The following PRRC2B variants were observed in gnomAD, a reference collection of about 807,000 sequenced individuals.
The protein encoded by PRRC2B is protein PRRC2B.
PRRC2B carries 68 observed loss-of-function variants against 242.3 expected under a neutral mutation model. That is an observed-to-expected ratio of 0.28 (90% CI 0.23 to 0.34). The LOEUF is 0.34. Ranked by LOEUF, PRRC2B falls within the 10% of genes least tolerant of loss-of-function variation. PRRC2B has a pLI of 1.00. For synonymous variants in PRRC2B, 1,228 were observed against 1,173.6 expected (o/e 1.05, Z -0.95); for missense variants, 2,835 against 2,954.8 (o/e 0.96, Z 0.94).
intron 28 of PRRC2B, among the ~76,000 whole-genome samples, chr9:131,489,372 A>T (rs1380480014): frequency 6.6e-6 from 1 of 151,762 alleles, no homozygotes; most frequent in Non-Finnish European, 1.5e-5. Context: ...TTTAGTAGAG[A>T]TGGGGGTTTC....
intron 9 of PRRC2B, among the ~76,000 whole-genome samples, chr9:131,451,400 A>G (rs1206922308): frequency 6.6e-6 from 1 of 151,288 alleles, no homozygotes; most frequent in East Asian, 1.9e-4. Flanking sequence ...CTCCATCTCA[A>G]AAAAAAAAGA....
intron 1 of PRRC2B, among the ~76,000 whole-genome samples, chr9:131,418,690 G>T (rs993503670): frequency 1.3e-5 from 2 of 152,220 alleles, no homozygotes. Context: ...GCTGCAGCTG[G>T]CTGGGACGTG....
In PRRC2B at chr9:131,494,825, G is replaced by A. The variant is rs1412273979; in HGVS notation, c.6555+339G>A. ...GGTTTGGGGGTCGGCTTTAGGAGCC[G>A]GGGTGCGCGCGCTGGTTCTAGTCAG... On this transcript the variant is annotated intron_variant, in intron 31 of 31. Coordinates refer to ENST00000683519, the MANE Select transcript of PRRC2B (RefSeq NM_013318.4). This position sits in a 1 kb window ranked among gnomAD's most constrained non-coding sequence, Gnocchi z 4.3. 1.3e-5 allele frequency among the ~76,000 whole-genome samples: 2 copies of A among 152,158 alleles called. No individual in the cohort carries two copies. Among genetic ancestry groups the A allele is most frequent in the East Asian group, 3.9e-4 (2 of 5,190 alleles).
rs1410487597 is a variant in PRRC2B at position 131,446,550 on chromosome 9, C to G, written c.763C>G (p.Leu255Val). 3 of 1,613,832 alleles carry G rather than the reference C, an allele frequency of 1.9e-6. No homozygotes were observed. Among genetic ancestry groups the G allele is most frequent in the African/African-American group, 2.7e-5 (2 of 74,922 alleles). ...TACCAGCGATTCTAAGGACCCCTCTCTCCGCCCGGCTCAGCCTGTCCGAAA... is the reference window on the plus strand; with the variant it reads ...TACCAGCGATTCTAAGGACCCCTCTGTCCGCCCGGCTCAGCCTGTCCGAAA... ...ACTSDSKDPS[L>V]RPAQPVRKGA... Residue 255 changes from leucine to valine, a missense_variant, in exon 7 of 32, where the codon CTC becomes GTC. Leu to Val is a conservative substitution (Grantham distance 32). Coordinates refer to ENST00000683519, the MANE Select transcript of PRRC2B (RefSeq NM_013318.4). The surrounding 1 kb of genome is among the most constrained non-coding windows in gnomAD (Gnocchi z 4.1).
intron 6 of PRRC2B, among the ~76,000 whole-genome samples, chr9:131,445,355 C>A (rs1169253596): frequency 6.6e-6 from 1 of 152,064 alleles, no homozygotes; most frequent in Non-Finnish European, 1.5e-5. Flanking sequence ...AGGCGGGTTT[C>A]TCCATGTTGG....
rs1292483846 is a variant in PRRC2B, at chr9:131,476,359, G to A, written c.4230G>A (p.Leu1410=). 6.3e-7 allele frequency: 1 copy of A among 1,595,364 alleles called. No homozygotes were observed. Among genetic ancestry groups the A allele is most frequent in the Admixed American group, 1.8e-5 (1 of 56,544 alleles). The change falls in exon 16 of 32, where the codon TTG becomes TTA. Residue 1410 remains leucine, a synonymous_variant. Coordinates refer to ENST00000683519, the MANE Select transcript of PRRC2B (RefSeq NM_013318.4). ...QVDGGLSGAS[L]GEKKELAKRS... is the part of the protein sequence containing the mutation. ...ATGGTGGCCTGTCGGGGGCTAGTTT[G>A]GGTGAGAAGAAGGAGCTGGCCAAGA...
rs1943532806 is a variant in PRRC2B, at chr9:131,471,069, A to T, written c.2107+86A>T. 3.1e-6 allele frequency: 3 copies of T among 975,756 alleles called. No homozygotes were observed. In the Middle Eastern group the frequency reaches 6.4e-4, roughly 207 times the overall value. 60.4% of individuals were successfully genotyped at this position (975,756 alleles called of 1,614,324 possible). On this transcript the variant is annotated intron_variant, in intron 14 of 31. Transcript: ENST00000683519. ...GTGTCCTCTCGAGTTAAACAGATACACCTGGATTTTGGTCTGGCTCTTTGT... is the reference window on the plus strand; with the variant it reads ...GTGTCCTCTCGAGTTAAACAGATACTCCTGGATTTTGGTCTGGCTCTTTGT...
chr9:131,483,056 G>A, intron 22 of PRRC2B, 149 bp downstream of exon 22: 14 of 929,892 alleles, frequency 1.5e-5, no homozygotes, highest in Non-Finnish European at 2.1e-5. Context: ...TTGGTGTGGA[G>A]TCCTGCACAT....
At chr9:131,429,414 G>A (rs1316860783) in intron 1 of PRRC2B, among the ~76,000 whole-genome samples, 1 of 152,238 alleles carries the variant, frequency 6.6e-6, no homozygotes, top group African/African-American at 2.4e-5. Context: ...AGGGGCAAGT[G>A]CGGATGGCAT....
At chr9:131,486,630 C>T (rs1588281369) in intron 26 of PRRC2B, 1 of 766,070 alleles carries the variant, frequency 1.3e-6, no homozygotes, top group African/African-American at 1.9e-5. Flanking sequence ...GAAGTCTCCC[C>T]TCTAATGCTG....
intron 5 of PRRC2B, among the ~76,000 whole-genome samples, chr9:131,441,832 A>G (rs1588253192): frequency 6.6e-6 from 1 of 152,338 alleles, no homozygotes; most frequent in South Asian, 2.1e-4. Flanking sequence ...AGGCTCAGAT[A>G]CCAGCTGCTG....
chr9:131,472,919 C>G (rs1341487306), intron 14 of PRRC2B, among the ~76,000 whole-genome samples: 1 of 152,054 alleles, frequency 6.6e-6, no homozygotes, highest in Non-Finnish European at 1.5e-5. Flanking sequence ...CATTTCATTT[C>G]TATATGTTAG....
At position 131,492,262 on chromosome 9, in the gene PRRC2B, TA is replaced by T. The variant is rs748219083; in HGVS notation, c.6473+5del. On this transcript the variant is annotated splice_donor_region_variant and intron_variant, in intron 30 of 31. Coordinates refer to ENST00000683519, the MANE Select transcript of PRRC2B (RefSeq NM_013318.4). Reference sequence around the variant, plus strand: ...CGTGCCATCGCCACAGACCTACAGGTAAAGCCACTCCCTGGGGACTGCGTGC... The same window carrying T: ...CGTGCCATCGCCACAGACCTACAGGTAAGCCACTCCCTGGGGACTGCGTGC... 6.2e-7 allele frequency: 1 copy of T among 1,611,898 alleles called. No homozygotes were observed. Among genetic ancestry groups the T allele is most frequent in the Admixed American group, 1.7e-5 (1 of 60,026 alleles).
At chr9:131,434,474 T>C (rs1157649154) in intron 3 of PRRC2B, among the ~76,000 whole-genome samples, 1 of 152,162 alleles carries the variant, frequency 6.6e-6, no homozygotes, top group Non-Finnish European at 1.5e-5. Context: ...CCAGGCCACA[T>C]CCTCCCACCA....
At chr9:131,436,536 G>C in intron 3 of PRRC2B, 84 bp from the exon 4 acceptor site, 2 of 1,056,270 alleles carry the variant, frequency 1.9e-6, no homozygotes, top group Admixed American at 4.5e-5. Context: ...GTGAGCAGCT[G>C]AACAGCTGTG....
At chr9:131,407,046 T>C (rs894343732) in intron 1 of PRRC2B, among the ~76,000 whole-genome samples, 1 of 152,244 alleles carries the variant, frequency 6.6e-6, no homozygotes, top group Non-Finnish European at 1.5e-5. Context: ...AGACATCTCA[T>C]ATGGCTCCTT....
chr9:131,439,387 A>AGAGT (rs1172710676), intron 5 of PRRC2B, among the ~76,000 whole-genome samples: 1 of 152,194 alleles, frequency 6.6e-6, no homozygotes, highest in Non-Finnish European at 1.5e-5. Flanking sequence ...AGTGGGAAGG[A>AGAGT]GAGTGGTCGT....
chr9:131,399,649 C>G (rs953780792), intron 1 of PRRC2B, among the ~76,000 whole-genome samples: 2 of 152,094 alleles, frequency 1.3e-5, no homozygotes, highest in African/African-American at 4.8e-5. Context: ...CCTCACCATC[C>G]AGAGCTAACT....
chr9:131,402,956 TC>T (rs1475438011), intron 1 of PRRC2B, among the ~76,000 whole-genome samples: 1 of 152,194 alleles, frequency 6.6e-6, no homozygotes, highest in Admixed American at 6.5e-5. Flanking sequence ...GGCGTCAACT[TC>T]CCGACACGCT....
Sources: gnomAD v4.1 joint callset for allele counts (sites outside exome capture counted in the v4.1 genomes callset) on GRCh38, gnomAD v4.1.1 for gene constraint, Gnocchi (gnomAD v3.1) non-coding constraint, MANE v1.5 for transcripts, NCBI Gene and HGNC (gene_info 2026-07-23, HGNC 2026-07-21) for gene names.